The following GRIN2B variants were observed in gnomAD, a reference collection of about 807,000 sequenced individuals.
GRIN2B encodes the protein glutamate ionotropic receptor NMDA type subunit 2B.
A neutral mutation model predicts 114.5 loss-of-function variants in GRIN2B; 5 were observed. That is an observed-to-expected ratio of 0.04 (90% CI 0.02 to 0.09). The LOEUF is 0.09. GRIN2B is among the 10% of genes least tolerant of loss of function. GRIN2B has a pLI of 1.00. For missense variants in GRIN2B, 1,108 were observed against 1,943.5 expected (o/e 0.57, Z 8.08); for synonymous variants, 787 against 745.1 (o/e 1.06, Z -0.92).
intron 2 of GRIN2B, among the ~76,000 whole-genome samples, chr12:13,936,589 C>A (rs1254177371): frequency 6.6e-6 from 1 of 152,112 alleles, no homozygotes. Context: ...AGAATTAATA[C>A]TTTTCTAAGG....
At chr12:13,609,769 T>A (rs1949339565) in intron 9 of GRIN2B, among the ~76,000 whole-genome samples, 1 of 136,420 alleles carries the variant, frequency 7.3e-6, no homozygotes, top group South Asian at 2.3e-4. Context: ...CAAGACTCTG[T>A]CTCAAAAAAA....
intron 4 of GRIN2B, among the ~76,000 whole-genome samples, chr12:13,733,709 G>A (rs1045121889): frequency 4.6e-5 from 7 of 152,190 alleles, no homozygotes; most frequent in East Asian, 3.9e-4. Flanking sequence ...TGAGGCCAGC[G>A]TTCTGGATTA....
intron 2 of GRIN2B, among the ~76,000 whole-genome samples, chr12:13,890,990 G>A (rs1284376661): frequency 6.6e-6 from 1 of 152,110 alleles, no homozygotes; most frequent in Non-Finnish European, 1.5e-5. Context: ...TTACACATTA[G>A]CCAAGCCAGC....
chr12:13,569,345 G>A (rs1948678481), intron 12 of GRIN2B, among the ~76,000 whole-genome samples: 1 of 152,160 alleles, frequency 6.6e-6, no homozygotes, highest in Admixed American at 6.5e-5. Context: ...AGAGTATGGT[G>A]AACCCCTAAT....
intron 10 of GRIN2B, among the ~76,000 whole-genome samples, chr12:13,596,567 T>A (rs760810963): frequency 1.3e-5 from 2 of 152,186 alleles, no homozygotes; most frequent in Non-Finnish European, 2.9e-5. Context: ...AAAGGGAAGG[T>A]TGCTGAGAGT....
At chr12:13,872,201 A>G (rs544995549) in intron 2 of GRIN2B, among the ~76,000 whole-genome samples, 8 of 152,236 alleles carry the variant, frequency 5.3e-5, no homozygotes, top group Admixed American at 5.2e-4. Flanking sequence ...AAGGAAAAAA[A>G]AAACCTTAAA....
intron 2 of GRIN2B, among the ~76,000 whole-genome samples, chr12:13,867,031 C>T (rs771873818): frequency 2.0e-5 from 3 of 152,020 alleles, no homozygotes; most frequent in Non-Finnish European, 4.4e-5. Flanking sequence ...TGTTCTATTA[C>T]ACTACGTGGA....
In GRIN2B at chr12:13,541,314, C is replaced by T. The variant is rs1173139501; in HGVS notation, c.*21469G>A. On this transcript the variant is annotated 3_prime_UTR_variant, in exon 14 of 14. Transcript: ENST00000609686. The stretch of plus-strand genomic sequence containing the variant: ...TCCCTCTGCTCCAACAATTTTGCCC[C>T]TCACTTCCCACAAATTCCTTTAACA... The T allele has an allele frequency of 6.6e-6, 1 of 152,226 alleles. No individual in the cohort carries two copies. The highest frequency in any genetic ancestry group is 2.4e-5 in the African/African-American group (1 of 41,452). 9.4% of individuals were successfully genotyped at this position (152,226 alleles called of 1,614,324 possible).
chr12:13,781,962 A>G (rs1864123551), intron 3 of GRIN2B, among the ~76,000 whole-genome samples: 1 of 152,214 alleles, frequency 6.6e-6, no homozygotes, highest in African/African-American at 2.4e-5. Context: ...TCTGTCTGAC[A>G]TGATAACATG....
chr12:13,866,661 G>T (rs7305496), intron 2 of GRIN2B, among the ~76,000 whole-genome samples: 31 of 152,252 alleles, frequency 2.0e-4, no homozygotes, highest in African/African-American at 7.5e-4. Context: ...CAGAACATGG[G>T]CTGGATAAAC....
intron 5 of GRIN2B, among the ~76,000 whole-genome samples, chr12:13,625,748 T>G (rs920548306): frequency 6.6e-6 from 1 of 152,192 alleles, no homozygotes; most frequent in African/African-American, 2.4e-5. Context: ...CATTCATTAT[T>G]TTCATTCACG....
chr12:13,726,563 T>A (rs1862991292), intron 4 of GRIN2B, among the ~76,000 whole-genome samples: 2 of 147,664 alleles, frequency 1.4e-5, no homozygotes, highest in East Asian at 3.9e-4. Flanking sequence ...TATATATATT[T>A]ATATATTATA....
At chr12:13,594,166 A>C (rs1949043196) in intron 10 of GRIN2B, among the ~76,000 whole-genome samples, 2 of 152,192 alleles carry the variant, frequency 1.3e-5, no homozygotes, top group African/African-American at 4.8e-5. Flanking sequence ...CAGCAATCCC[A>C]TTACTGGGTA....
At chr12:13,789,082 T>TC (rs1430919373) in intron 3 of GRIN2B, among the ~76,000 whole-genome samples, 19 of 151,974 alleles carry the variant, frequency 1.3e-4, no homozygotes, top group Non-Finnish European at 2.6e-4. Context: ...GTTGTTTTTT[T>TC]TCCTATACAC....
At chr12:13,815,801 T>C (rs902729930) in intron 3 of GRIN2B, among the ~76,000 whole-genome samples, 1 of 152,222 alleles carries the variant, frequency 6.6e-6, no homozygotes, top group Non-Finnish European at 1.5e-5. Flanking sequence ...AAAAATGTGC[T>C]TGTATACTTT....
At chr12:13,637,915 G>A (rs1160658350) in intron 5 of GRIN2B, among the ~76,000 whole-genome samples, 3 of 152,104 alleles carry the variant, frequency 2.0e-5, no homozygotes, top group African/African-American at 7.2e-5. Flanking sequence ...AACAGAGCTT[G>A]GTTAAGAGTC....
chr12:13,824,698 C>CA (rs544491218), intron 3 of GRIN2B, among the ~76,000 whole-genome samples: 54 of 151,378 alleles, frequency 3.6e-4, no homozygotes, highest in African/African-American at 8.2e-4. Context: ...ACTAAAAATA[C>CA]AAAAAAAATT....
chr12:13,614,638 A>T (rs1949412136), intron 8 of GRIN2B, among the ~76,000 whole-genome samples: 1 of 152,210 alleles, frequency 6.6e-6, no homozygotes, highest in African/African-American at 2.4e-5. Context: ...TTGCGTGGAA[A>T]CAAAAAATCT....
At chr12:13,650,481 T>C (rs953472829) in intron 5 of GRIN2B, among the ~76,000 whole-genome samples, 18 of 152,072 alleles carry the variant, frequency 1.2e-4, no homozygotes, top group African/African-American at 4.3e-4. Flanking sequence ...AAATCCCCTT[T>C]ACATGTGTGT....
Sources: allele counts gnomAD v4.1 joint callset (sites outside exome capture counted in the v4.1 genomes callset), GRCh38; gene constraint gnomAD v4.1.1; transcripts MANE v1.5; gene names NCBI Gene and HGNC (gene_info 2026-07-23, HGNC 2026-07-21).